The following RANBP2 variants were observed in gnomAD, a reference collection of about 807,000 sequenced individuals.
RANBP2 encodes the protein RAN binding protein 2.
Under a neutral mutation model 303.6 loss-of-function variants are expected in RANBP2, and 57 were observed. The observed-to-expected ratio is 0.19, with a 90% CI of 0.15 to 0.23. RANBP2 has a LOEUF of 0.23. Among genes scored for constraint, RANBP2 ranks in the 10% least tolerant of loss-of-function variants. The pLI, the probability that RANBP2 is intolerant of heterozygous loss-of-function variation, is 1.00. For synonymous variants in RANBP2, 1,167 were observed against 1,301.5 expected (o/e 0.90, Z 2.23); for missense variants, 3,138 against 3,780.8 (o/e 0.83, Z 4.46).
At chr2:108,956,517 C>A in the RANBP2 span, among the ~76,000 whole-genome samples, 1 of 152,142 alleles carries the variant, frequency 6.6e-6, no homozygotes, top group Admixed American at 6.5e-5. Flanking sequence ...TTCTGGGTAG[C>A]CAAGAAACTA....
the RANBP2 span, among the ~76,000 whole-genome samples, chr2:109,274,724 A>G: frequency 1.3e-5 from 2 of 152,208 alleles, no homozygotes; most frequent in Non-Finnish European, 2.9e-5. Context: ...GCTGCATAAC[A>G]TTGTGAATGT....
At chr2:109,199,844 G>C in the RANBP2 span, among the ~76,000 whole-genome samples, 3 of 52,368 alleles carry the variant, frequency 5.7e-5, no homozygotes, top group Non-Finnish European at 9.0e-5. Flanking sequence ...GAATGGAATG[G>C]AATGGAAATA....
At chr2:108,859,835 G>A in the RANBP2 span, among the ~76,000 whole-genome samples, 1 of 151,466 alleles carries the variant, frequency 6.6e-6, no homozygotes. Flanking sequence ...CTAATTCTGT[G>A]AAGAATAATG....
the RANBP2 span, chr2:109,613,163 A>C: frequency 7.8e-7 from 1 of 1,289,122 alleles, no homozygotes. Flanking sequence ...TATTAACGAA[A>C]ATAGTTGTAA....
the RANBP2 span, among the ~76,000 whole-genome samples, chr2:109,159,428 C>T: frequency 0.048 from 7,301 of 152,318 alleles, 422 homozygotes; most frequent in East Asian, 0.3. Context: ...ATTTCTGTAA[C>T]GGAGGCCTCC....
At chr2:109,331,921 G>A in the RANBP2 span, among the ~76,000 whole-genome samples, 1 of 152,194 alleles carries the variant, frequency 6.6e-6, no homozygotes, top group East Asian at 1.9e-4. Flanking sequence ...GGAGGGGTTT[G>A]CCTGCACCCT....
chr2:109,375,323 C>T, the RANBP2 span, among the ~76,000 whole-genome samples: 4 of 152,224 alleles, frequency 2.6e-5, no homozygotes, highest in African/African-American at 4.8e-5. Flanking sequence ...AACTCTCCTG[C>T]GGCCGTCCCC....
Position 108,784,167 on chromosome 2 carries a change from T to A in RANBP2, c.*266T>A, listed in dbSNP as rs1007985714. 2.7e-6 allele frequency: 1 copy of A among 370,224 alleles called. No homozygotes were observed. The highest frequency in any genetic ancestry group is 2.1e-5 in the African/African-American group (1 of 48,670). The allele number at this position is 370,224 out of a possible 1,614,324, so 22.9% of individuals were successfully genotyped here. A position where few individuals can be genotyped will look rare whatever the true frequency, so the allele number is the denominator to read the frequency against. On this transcript the variant is annotated 3_prime_UTR_variant, in exon 29 of 29. Transcript: ENST00000283195. Reference sequence around the variant, plus strand: ...TTAAAATGGAATAATACTAATCTTGTTAAAAGCAATAGACCTCAAACTATT... The same window carrying A: ...TTAAAATGGAATAATACTAATCTTGATAAAAGCAATAGACCTCAAACTATT...
chr2:109,630,141 G>A, the RANBP2 span, among the ~76,000 whole-genome samples: 63 of 152,240 alleles, frequency 4.1e-4, no homozygotes, highest in East Asian at 0.011. Flanking sequence ...GTGTGTAAGC[G>A]TGTGTATAAT....
the RANBP2 span, among the ~76,000 whole-genome samples, chr2:108,899,913 G>A: frequency 6.6e-6 from 1 of 152,128 alleles, no homozygotes; most frequent in African/African-American, 2.4e-5. Context: ...TTGAACCTGG[G>A]AGGCGGAGGT....
the RANBP2 span, among the ~76,000 whole-genome samples, chr2:109,135,351 T>C: frequency 3.3e-5 from 5 of 152,224 alleles, no homozygotes; most frequent in African/African-American, 4.8e-5. Flanking sequence ...GGAATCCCAC[T>C]GAAGGTGGTT....
chr2:108,968,520 T>C, the RANBP2 span, among the ~76,000 whole-genome samples: 1 of 152,130 alleles, frequency 6.6e-6, no homozygotes, highest in Non-Finnish European at 1.5e-5. Context: ...TTGTTGAGAA[T>C]TGGAGCAGAA....
At chr2:108,937,697 GTGTGAGTGTA>G in the RANBP2 span, among the ~76,000 whole-genome samples, 1,301 of 152,120 alleles carry the variant, frequency 8.6e-3, 19 homozygotes, top group African/African-American at 0.03. Flanking sequence ...ATGTGTATGT[GTGTGAGTGTA>G]TGTGTGTGTA....
intron 23 of RANBP2, among the ~76,000 whole-genome samples, chr2:108,773,805 C>T (rs1285444291): frequency 6.6e-6 from 1 of 152,152 alleles, no homozygotes. Flanking sequence ...CGCCACCACG[C>T]CCAGCTAATT....
chr2:109,396,752 G>A, the RANBP2 span, among the ~76,000 whole-genome samples: 1 of 152,102 alleles, frequency 6.6e-6, no homozygotes, highest in East Asian at 1.9e-4. Flanking sequence ...GGCCTCACAT[G>A]CAAGGGCTTA....
the RANBP2 span, among the ~76,000 whole-genome samples, chr2:109,239,489 TA>T: frequency 2.0e-5 from 3 of 152,212 alleles, no homozygotes. Flanking sequence ...ACAAACGGAC[TA>T]CAATATTCTG....
chr2:108,815,988 C>T, the RANBP2 span: 2 of 1,613,216 alleles, frequency 1.2e-6, no homozygotes, highest in Admixed American at 1.7e-5. Flanking sequence ...TCTTCATGGA[C>T]TGGATTTCGG....
the RANBP2 span, among the ~76,000 whole-genome samples, chr2:109,569,989 G>GT: frequency 2.0e-5 from 3 of 151,774 alleles, no homozygotes; most frequent in Non-Finnish European, 4.4e-5. Flanking sequence ...GTGCCCTTGT[G>GT]TAAGTGAAAA....
At chr2:109,433,064 A>G in the RANBP2 span, among the ~76,000 whole-genome samples, 1 of 152,134 alleles carries the variant, frequency 6.6e-6, no homozygotes, top group Non-Finnish European at 1.5e-5. Context: ...GCTTGTGTGC[A>G]TGGTATTTGT....
Sources: gnomAD v4.1 joint callset for allele counts (sites outside exome capture counted in the v4.1 genomes callset) on GRCh38, gnomAD v4.1.1 for gene constraint, MANE v1.5 for transcripts, NCBI Gene and HGNC (gene_info 2026-07-23, HGNC 2026-07-21) for gene names.